The following BRINP3 variants were observed in gnomAD, a reference collection of about 807,000 sequenced individuals.
BRINP3 encodes BMP/retinoic acid inducible neural specific 3.
A neutral mutation model predicts 71.0 loss-of-function variants in BRINP3; 19 were observed. That is an observed-to-expected ratio of 0.27 (90% CI 0.19 to 0.39). The LOEUF is 0.39. BRINP3 is among the 10% of genes least tolerant of loss of function. The probability of loss-of-function intolerance (pLI) is 1.00; values close to 1 mark genes in which losing one functional copy is unlikely to be tolerated. For missense variants in BRINP3, 959 were observed against 940.8 expected, an observed-to-expected ratio of 1.02 and a Z score of -0.25; for synonymous variants, 380 against 337.7, an observed-to-expected ratio of 1.13 and a Z score of -1.37.
chr1:190,235,370 A>G (rs1356005945), intron 4 of BRINP3, among the ~76,000 whole-genome samples: 4 of 152,080 alleles, frequency 2.6e-5, no homozygotes, highest in Non-Finnish European at 4.4e-5. Context: ...CTGAAGATTT[A>G]AAACTATTTA....
At chr1:190,360,981 G>A (rs189794986) in intron 2 of BRINP3, among the ~76,000 whole-genome samples, 93 of 152,190 alleles carry the variant, frequency 6.1e-4, no homozygotes, top group African/African-American at 2.2e-3. Context: ...CACTTGAAAT[G>A]TATTTGTTCA....
chr1:190,262,986 A>G (rs1571558662), intron 4 of BRINP3, among the ~76,000 whole-genome samples: 1 of 152,006 alleles, frequency 6.6e-6, no homozygotes, highest in African/African-American at 2.4e-5. Flanking sequence ...AATACCCATT[A>G]TGTTTTGATG....
At chr1:190,302,058 A>G (rs1310353138) in intron 2 of BRINP3, among the ~76,000 whole-genome samples, 1 of 151,264 alleles carries the variant, frequency 6.6e-6, no homozygotes, top group Admixed American at 6.6e-5. Context: ...GAGTTAATCC[A>G]CATACTCCCA....
intron 7 of BRINP3, among the ~76,000 whole-genome samples, chr1:190,160,281 T>A (rs1657234407): frequency 6.6e-6 from 1 of 152,098 alleles, no homozygotes; most frequent in African/African-American, 2.4e-5. Flanking sequence ...TGAATTATTT[T>A]ATTTGAAAAT....
At chr1:190,462,167 C>T (rs1381596888) in intron 1 of BRINP3, among the ~76,000 whole-genome samples, 1 of 152,076 alleles carries the variant, frequency 6.6e-6, no homozygotes, top group East Asian at 1.9e-4. Flanking sequence ...TCATCTCAGT[C>T]TCCCAAAGTG....
At chr1:190,213,381 A>G (rs1040266401) in intron 6 of BRINP3, among the ~76,000 whole-genome samples, 1 of 152,088 alleles carries the variant, frequency 6.6e-6, no homozygotes, top group Admixed American at 6.6e-5. Context: ...TCCAAAGATA[A>G]TATTTCAAGG....
At chr1:190,463,849 C>A (rs1676558883) in intron 1 of BRINP3, among the ~76,000 whole-genome samples, 1 of 151,776 alleles carries the variant, frequency 6.6e-6, no homozygotes, top group Non-Finnish European at 1.5e-5. Context: ...AGATAGCCAG[C>A]AAACTAAAAT....
At chr1:190,149,831 C>A (rs2102417099) in intron 7 of BRINP3, among the ~76,000 whole-genome samples, 1 of 152,232 alleles carries the variant, frequency 6.6e-6, no homozygotes, top group South Asian at 2.1e-4. Flanking sequence ...TACATGAATT[C>A]TTCCTGCTGA....
At chr1:190,245,644 G>A (rs1268967048) in intron 4 of BRINP3, among the ~76,000 whole-genome samples, 1 of 151,738 alleles carries the variant, frequency 6.6e-6, no homozygotes, top group Non-Finnish European at 1.5e-5. Context: ...GGGTACATGT[G>A]CACAACGTGC....
At chr1:190,352,308 T>C (rs1340943083) in intron 2 of BRINP3, among the ~76,000 whole-genome samples, 1 of 152,070 alleles carries the variant, frequency 6.6e-6, no homozygotes, top group Non-Finnish European at 1.5e-5. Flanking sequence ...TGGGTGATCC[T>C]GTTCCACTGG....
chr1:190,224,449 A>G (rs1657156070), intron 6 of BRINP3, among the ~76,000 whole-genome samples: 1 of 151,732 alleles, frequency 6.6e-6, no homozygotes, highest in African/African-American at 2.4e-5. Context: ...AAAAATCTAG[A>G]CCCCTATCTC....
In BRINP3 at chr1:190,234,554, A is replaced by G; in HGVS notation, c.619-77T>C. ...TTTTGGTTCACTGTAGTTGTCACACACTAATATTATACGTTTGACAGTAAA... is the reference window on the plus strand; with the variant it reads ...TTTTGGTTCACTGTAGTTGTCACACGCTAATATTATACGTTTGACAGTAAA... On this transcript the variant is annotated intron_variant, in intron 4 of 7. Coordinates refer to ENST00000367462, the MANE Select transcript of BRINP3 (RefSeq NM_199051.3). 2.9e-6 allele frequency: 3 copies of G among 1,052,122 alleles called. No individual in the cohort carries two copies. The Middle Eastern group carries it at 6.2e-4, about 216-fold the overall frequency. The allele number at this position is 1,052,122 out of a possible 1,614,324, so 65.2% of individuals were successfully genotyped here.
chr1:190,216,389 G>A lies in BRINP3; in HGVS notation c.961+9693C>T, dbSNP rs114582417. On this transcript the variant is annotated intron_variant, in intron 6 of 7. Transcript: ENST00000367462. ...CTATACTATTTTTATTGTAATTAAT[G>A]TTATGTATATGCTACCAATATTTCT... 4.0e-5 allele frequency among the ~76,000 whole-genome samples: 6 copies of A among 151,450 alleles called. No individual in the cohort carries two copies. The South Asian group carries it at 6.2e-4, about 16-fold the overall frequency.
intron 4 of BRINP3, among the ~76,000 whole-genome samples, chr1:190,250,519 T>C (rs547137594): frequency 1.3e-5 from 2 of 152,096 alleles, no homozygotes; most frequent in South Asian, 4.1e-4. Flanking sequence ...GATAAGCCTG[T>C]CCTTTATGTC....
intron 2 of BRINP3, among the ~76,000 whole-genome samples, chr1:190,307,920 C>G (rs1056182675): frequency 2.0e-5 from 3 of 151,862 alleles, no homozygotes; most frequent in Non-Finnish European, 4.4e-5. Context: ...ACTTTAGAAG[C>G]AAAAATCTGA....
At chr1:190,138,312 TG>T (rs1210153454) in intron 7 of BRINP3, among the ~76,000 whole-genome samples, 42 of 152,160 alleles carry the variant, frequency 2.8e-4, no homozygotes, top group African/African-American at 7.9e-4. Flanking sequence ...TATTTATTAG[TG>T]TTATGAGAAT....
At chr1:190,106,614 A>G (rs547470130) in intron 7 of BRINP3, among the ~76,000 whole-genome samples, 5 of 151,684 alleles carry the variant, frequency 3.3e-5, no homozygotes, top group African/African-American at 1.2e-4. Context: ...GCAAGTGCAG[A>G]CTTAAACTAG....
At chr1:190,445,343 AAG>A (rs1464479503) in intron 2 of BRINP3, among the ~76,000 whole-genome samples, 1 of 152,144 alleles carries the variant, frequency 6.6e-6, no homozygotes, top group Non-Finnish European at 1.5e-5. Flanking sequence ...ATTAAAATGA[AAG>A]AGATAATATT....
intron 2 of BRINP3, among the ~76,000 whole-genome samples, chr1:190,429,090 A>G (rs1352228651): frequency 6.6e-6 from 1 of 152,194 alleles, no homozygotes; most frequent in Non-Finnish European, 1.5e-5. Context: ...TGAAGAAAAT[A>G]TAAGATTTGT....
Sources: allele counts gnomAD v4.1 joint callset (sites outside exome capture counted in the v4.1 genomes callset), GRCh38; gene constraint gnomAD v4.1.1; transcripts MANE v1.5; gene names NCBI Gene and HGNC (gene_info 2026-07-23, HGNC 2026-07-21).